The following HIVEP3 variants were observed in gnomAD, a reference collection of about 807,000 sequenced individuals.
HIVEP3 encodes the protein transcription factor HIVEP3.
In HIVEP3, 49 loss-of-function variants were observed where a neutral mutation model predicts 152.8. The ratio of observed to expected loss-of-function variants is 0.32; its 90% CI spans 0.26 to 0.41. The LOEUF is 0.41. Ranked by LOEUF, HIVEP3 falls within the 10% of genes least tolerant of loss-of-function variation. HIVEP3 has a pLI of 1.00. For missense variants in HIVEP3, 2,790 were observed against 3,103.3 expected, an observed-to-expected ratio of 0.90 and a Z score of 2.40; for synonymous variants, 1,269 against 1,289.0, an observed-to-expected ratio of 0.98 and a Z score of 0.33.
intron 1 of HIVEP3, among the ~76,000 whole-genome samples, chr1:41,707,210 T>A (rs943968341): frequency 6.6e-6 from 1 of 152,156 alleles, no homozygotes; most frequent in Admixed American, 6.5e-5. Flanking sequence ...AACTGCTACA[T>A]TAGACCATCC....
chr1:41,524,699 C>T lies in HIVEP3; in HGVS notation c.5383+36G>A, dbSNP rs984970937. On this transcript the variant is annotated intron_variant, in intron 6 of 8. Coordinates refer to ENST00000372583, the MANE Select transcript of HIVEP3 (RefSeq NM_024503.5). ...ACTCCCAGAGGGGAGCTCCCTGCAGCGGGCAGGGGCAGTGCCCCAGCTGAC... is the reference window on the plus strand; with the variant it reads ...ACTCCCAGAGGGGAGCTCCCTGCAGTGGGCAGGGGCAGTGCCCCAGCTGAC... 6.1e-5 allele frequency: 97 copies of T among 1,580,936 alleles called. 2 individuals are homozygous for T. The Admixed American group carries it at 1.2e-3, about 19-fold the overall frequency.
At chr1:41,929,989 CA>C (rs1644988731) in intron 1 of HIVEP3, among the ~76,000 whole-genome samples, 1 of 152,032 alleles carries the variant, frequency 6.6e-6, no homozygotes, top group Admixed American at 6.6e-5. Context: ...TGTCTGTGTA[CA>C]GTTATTTTTG....
rs527581910 is a variant in HIVEP3, at chr1:42,001,908, C to T, written n.119+33899G>A. Among the ~76,000 whole-genome samples, 9 of 152,120 alleles carry T rather than the reference C, an allele frequency of 5.9e-5. No individual in the cohort carries two copies. The South Asian group carries it at 8.3e-4, about 14-fold the overall frequency. ...ATGATCCATCAACTGGGGGGTAGCC[C>T]GGGCCTGGCAGGGGACACCCAAGCC... On this transcript the variant is annotated intron_variant and non_coding_transcript_variant, in intron 1 of 3. Transcript: ENST00000489103.
At chr1:41,544,868 C>G (rs201014857) in intron 5 of HIVEP3, among the ~76,000 whole-genome samples, 11 of 89,582 alleles carry the variant, frequency 1.2e-4, no homozygotes, top group South Asian at 4.0e-4. Context: ...CCACCACCAC[C>G]ACCACCACTA....
intron 1 of HIVEP3, among the ~76,000 whole-genome samples, chr1:41,759,343 G>GT (rs965669853): frequency 6.6e-6 from 1 of 152,014 alleles, no homozygotes; most frequent in Non-Finnish European, 1.5e-5. Context: ...GTTGTAGCAG[G>GT]TATCAGAATT....
chr1:41,904,847 C>T (rs113801099), intron 1 of HIVEP3, among the ~76,000 whole-genome samples: 144 of 152,318 alleles, frequency 9.5e-4, no homozygotes, highest in African/African-American at 3.2e-3. Context: ...CAAGGACCTC[C>T]AATCCCCCAT....
rs563625795 is a variant in HIVEP3, at chr1:41,582,275, G to A, written c.2523C>T (p.His841=). The change falls in exon 4 of 9, where the codon CAC becomes CAT. Residue 841 remains histidine (H), a synonymous_variant. Coordinates refer to ENST00000372583, the MANE Select transcript of HIVEP3 (RefSeq NM_024503.5). This position sits in a 1 kb window ranked among gnomAD's most constrained non-coding sequence, Gnocchi z 4.7. ...PPPAPHGRSA[H]SLQPKLVRQP... is the part of the protein sequence containing the mutation. ...GGCGGACCAACTTAGGCTGCAGGGAGTGAGCAGAGCGTCCGTGTGGGGCAG... is the reference window on the plus strand; with the variant it reads ...GGCGGACCAACTTAGGCTGCAGGGAATGAGCAGAGCGTCCGTGTGGGGCAG... The A allele has an allele frequency of 6.2e-7, 1 of 1,614,128 alleles. No homozygotes were observed. The highest frequency in any genetic ancestry group is 1.1e-5 in the South Asian group (1 of 91,070).
intron 2 of HIVEP3, among the ~76,000 whole-genome samples, chr1:41,697,352 C>T (rs144155135): frequency 0.01 from 1,578 of 152,314 alleles, 13 homozygotes; most frequent in African/African-American, 0.017. Context: ...AACAAAAACA[C>T]CCTGCTCCTT....
rs112456300 is a variant in HIVEP3 at position 41,947,413 on chromosome 1, T to G, written n.120-28889A>C. On this transcript the variant is annotated intron_variant and non_coding_transcript_variant, in intron 1 of 3. Transcript: ENST00000489103. ...ACCAGGGCCCTCAGTGAGGACTGTATCCAGCCCATACTGGCTTATCCTCAT... is the reference window on the plus strand; with the variant it reads ...ACCAGGGCCCTCAGTGAGGACTGTAGCCAGCCCATACTGGCTTATCCTCAT... Among the ~76,000 whole-genome samples the G allele has an allele frequency of 5.2e-3, 796 of 152,326 alleles. 4 individuals are homozygous for G. The highest frequency in any genetic ancestry group is 0.019 in the African/African-American group (770 of 41,560).
chr1:41,533,503 A>G lies in HIVEP3; in HGVS notation c.5208-8593T>C, dbSNP rs1358422830. Among the ~76,000 whole-genome samples the G allele has an allele frequency of 7.2e-5, 11 of 151,816 alleles. No homozygotes were observed. Among genetic ancestry groups the G allele is most frequent in the Admixed American group, 7.2e-4 (11 of 15,266 alleles). On this transcript the variant is annotated intron_variant, in intron 5 of 8. Transcript: ENST00000372583. This position sits in a 1 kb window ranked among gnomAD's most constrained non-coding sequence, Gnocchi z 4.3. ...AGCCCGGATCTGGAGAGGGCTGTCC[A>G]CACCTCCTCCCCACTCTATGCTTTT...
intron 1 of HIVEP3, among the ~76,000 whole-genome samples, chr1:41,860,424 C>T (rs1643873008): frequency 6.6e-6 from 1 of 152,168 alleles, no homozygotes; most frequent in Non-Finnish European, 1.5e-5. Context: ...TTGCATTTGG[C>T]TTTGGTACAA....
At chr1:41,688,867 C>T (rs894265310) in intron 2 of HIVEP3, among the ~76,000 whole-genome samples, 3 of 151,874 alleles carry the variant, frequency 2.0e-5, no homozygotes, top group African/African-American at 4.8e-5. Flanking sequence ...GTGCTGGCCA[C>T]CTGGAACACA....
At chr1:41,824,180 G>T (rs991820953) in intron 1 of HIVEP3, among the ~76,000 whole-genome samples, 5 of 152,030 alleles carry the variant, frequency 3.3e-5, no homozygotes, top group African/African-American at 1.2e-4. Flanking sequence ...GTAAGAAACT[G>T]GTCCCAGGAT....
At chr1:41,839,959 C>G (rs1024676722) in intron 1 of HIVEP3, among the ~76,000 whole-genome samples, 4 of 152,122 alleles carry the variant, frequency 2.6e-5, no homozygotes, top group Non-Finnish European at 4.4e-5. Context: ...AAATGAGATA[C>G]AATTTAAAAC....
intron 1 of HIVEP3, among the ~76,000 whole-genome samples, chr1:41,965,793 T>G (rs1645194282): frequency 6.6e-6 from 1 of 152,132 alleles, no homozygotes; most frequent in African/African-American, 2.4e-5. Context: ...GGAACCAAGT[T>G]GGAAAACATA....
chr1:41,825,827 C>T (rs1024348315), intron 1 of HIVEP3, among the ~76,000 whole-genome samples: 4 of 152,106 alleles, frequency 2.6e-5, no homozygotes, highest in Non-Finnish European at 4.4e-5. Flanking sequence ...AAGCTGGTCT[C>T]GAACTGCTGG....
chr1:42,035,917 G>T (rs1435520225), exon 1 of HIVEP3: 1 of 150,724 alleles, frequency 6.6e-6, no homozygotes, highest in Non-Finnish European at 1.5e-5. Context: ...GCCGTGGCGC[G>T]GCGGCGGGCG....
intron 1 of HIVEP3, among the ~76,000 whole-genome samples, chr1:41,771,475 T>C (rs779609998): frequency 9.2e-5 from 14 of 152,148 alleles, no homozygotes; most frequent in South Asian, 2.1e-4. Context: ...GCCCCTGCAA[T>C]GGGAAAGCAG....
At chr1:41,622,808 G>T (rs1323910418) in intron 3 of HIVEP3, among the ~76,000 whole-genome samples, 2 of 152,208 alleles carry the variant, frequency 1.3e-5, no homozygotes, top group African/African-American at 4.8e-5. Context: ...TGGGAGGCTG[G>T]TACAGTTTTC....
Sources: allele counts gnomAD v4.1 joint callset (sites outside exome capture counted in the v4.1 genomes callset), GRCh38; gene constraint gnomAD v4.1.1; non-coding constraint Gnocchi (gnomAD v3.1); transcripts MANE v1.5; gene names NCBI Gene and HGNC (gene_info 2026-07-23, HGNC 2026-07-21).